Variants in BANP observed in about 807,000 individuals in gnomAD.
BANP encodes the protein BTG3 associated nuclear protein.
BANP carries 11 observed loss-of-function variants against 68.1 expected under a neutral mutation model. The observed-to-expected ratio is 0.16, with a 90% CI of 0.10 to 0.27. BANP has a LOEUF of 0.27. Ranked by LOEUF, BANP falls within the 10% of genes least tolerant of loss-of-function variation. The probability of loss-of-function intolerance (pLI) is 1.00; values close to 1 mark genes in which losing one functional copy is unlikely to be tolerated. For synonymous variants in BANP, 329 were observed against 303.2 expected, an observed-to-expected ratio of 1.09 and a Z score of -0.88; for missense variants, 504 against 722.7, an observed-to-expected ratio of 0.70 and a Z score of 3.47.
chr16:88,042,317 G>T (rs1293967154), intron 11 of BANP, among the ~76,000 whole-genome samples: 1 of 152,228 alleles, frequency 6.6e-6, no homozygotes, highest in East Asian at 1.9e-4. Flanking sequence ...GTGCGCAGGT[G>T]TGGGGACGCA....
intron 7 of BANP, among the ~76,000 whole-genome samples, chr16:88,024,209 G>T (rs1485894199): frequency 1.3e-5 from 2 of 152,180 alleles, no homozygotes; most frequent in African/African-American, 4.8e-5. Flanking sequence ...ACCTCTCATG[G>T]GTTCTCAGGA....
chr16:87,971,232 C>CATA (rs2061057570), intron 1 of BANP, among the ~76,000 whole-genome samples: 2 of 136,592 alleles, frequency 1.5e-5, no homozygotes, highest in South Asian at 4.3e-4. Context: ...CAAGCAGTTA[C>CATA]ATTGTGTCTG....
chr16:87,963,045 A>G (rs970447769), intron 1 of BANP, among the ~76,000 whole-genome samples: 2 of 152,170 alleles, frequency 1.3e-5, no homozygotes, highest in African/African-American at 4.8e-5. Context: ...TTAGCTTTTT[A>G]CCAGGTACCA....
At chr16:87,982,226 C>T (rs4843767) in intron 3 of BANP, among the ~76,000 whole-genome samples, 100,543 of 152,028 alleles carry the variant, frequency 0.66, 33,908 homozygotes, top group African/African-American at 0.76. Flanking sequence ...AAAGTGGGCA[C>T]GGGAGTGGCC....
intron 6 of BANP, among the ~76,000 whole-genome samples, chr16:88,007,484 C>T (rs1326883726): frequency 6.6e-6 from 1 of 152,216 alleles, no homozygotes; most frequent in Non-Finnish European, 1.5e-5. Flanking sequence ...GCCGTCTTCC[C>T]CTGAGAGCCT....
rs913630074 is a variant in BANP at position 88,003,583 on chromosome 16, T to A, written c.363-712T>A. The A allele has an allele frequency of 2.2e-6, 1 of 455,356 alleles. No individual in the cohort carries two copies. The highest frequency in any genetic ancestry group is 4.4e-6 in the Non-Finnish European group (1 of 226,464). The allele number at this position is 455,356 out of a possible 1,614,324, so 28.2% of individuals were successfully genotyped here. A position where few individuals can be genotyped will look rare whatever the true frequency, so the allele number is the denominator to read the frequency against. On this transcript the variant is annotated intron_variant, in intron 4 of 13. Coordinates refer to ENST00000682872, the MANE Select transcript of BANP (RefSeq NM_001386991.1). This position sits in a 1 kb window ranked among gnomAD's most constrained non-coding sequence, Gnocchi z 6.1. Reference sequence around the variant, plus strand: ...CTGTGGGTGAGTCTGTACTTTGAGATGAAGCTGTGTTAGCTGCCGCCTGTC... The same window carrying A: ...CTGTGGGTGAGTCTGTACTTTGAGAAGAAGCTGTGTTAGCTGCCGCCTGTC...
intron 11 of BANP, among the ~76,000 whole-genome samples, chr16:88,058,908 T>C (rs2085893181): frequency 6.6e-6 from 1 of 152,170 alleles, no homozygotes; most frequent in Non-Finnish European, 1.5e-5. Context: ...GAAAAGCCCA[T>C]AAAGTGGCCC....
chr16:88,075,471 C>T (rs564813145), intron 13 of BANP, among the ~76,000 whole-genome samples: 1 of 152,250 alleles, frequency 6.6e-6, no homozygotes, highest in East Asian at 1.9e-4. Context: ...CTACTGCACT[C>T]CAACCTGGGC....
At chr16:87,985,483 G>C (rs373040744) in intron 4 of BANP, among the ~76,000 whole-genome samples, 1 of 152,124 alleles carries the variant, frequency 6.6e-6, no homozygotes, top group African/African-American at 2.4e-5. Context: ...AAAGCTGTTA[G>C]ACCCAATGCC....
chr16:87,975,087 G>T lies in BANP; in HGVS notation c.-29G>T, dbSNP rs199627706. On this transcript the variant is annotated 5_prime_UTR_variant, in exon 2 of 14. Transcript: ENST00000682872. ...GCCCCACTGTGAGTTGAACTCTTTC[G>T]TGTTGACCGGCCACTCTCCGTGCTC... 21 of 1,592,388 alleles carry T rather than the reference G, an allele frequency of 1.3e-5. No individual in the cohort carries two copies. Among genetic ancestry groups the T allele is most frequent in the Non-Finnish European group, 1.8e-5 (21 of 1,164,228 alleles).
At chr16:88,020,411 C>T (rs970351192) in intron 7 of BANP, among the ~76,000 whole-genome samples, 3 of 152,238 alleles carry the variant, frequency 2.0e-5, no homozygotes, top group African/African-American at 7.2e-5. Flanking sequence ...CAGCTTGAAA[C>T]CCGGGGGTTG....
At chr16:87,979,540 G>A (rs7193799) in intron 2 of BANP, among the ~76,000 whole-genome samples, 3 of 152,040 alleles carry the variant, frequency 2.0e-5, no homozygotes, top group Non-Finnish European at 2.9e-5. Context: ...TGGCAGTATG[G>A]GAAGGGCTGG....
chr16:87,987,486 G>A (rs2064737276), intron 4 of BANP, among the ~76,000 whole-genome samples: 1 of 152,090 alleles, frequency 6.6e-6, no homozygotes, highest in East Asian at 1.9e-4. Flanking sequence ...CACTTTGGAA[G>A]GCCAAGATGG....
intron 1 of BANP, among the ~76,000 whole-genome samples, chr16:87,962,538 G>T (rs1287601478): frequency 6.6e-6 from 1 of 152,176 alleles, no homozygotes; most frequent in Non-Finnish European, 1.5e-5. Context: ...TTAGAGCCTA[G>T]ACGCTTCTTA....
chr16:88,007,528 C>T (rs1294884506), intron 6 of BANP, among the ~76,000 whole-genome samples: 1 of 152,234 alleles, frequency 6.6e-6, no homozygotes, highest in Non-Finnish European at 1.5e-5. Flanking sequence ...CGTAAGTGAC[C>T]AGATGACTGT....
At chr16:88,011,458 CAG>C (rs2073102549) in intron 6 of BANP, among the ~76,000 whole-genome samples, 1 of 152,142 alleles carries the variant, frequency 6.6e-6, no homozygotes, top group African/African-American at 2.4e-5. Flanking sequence ...CTTTTTAACT[CAG>C]GGTTAAATTA....
intron 4 of BANP, among the ~76,000 whole-genome samples, chr16:87,985,583 A>G: frequency 6.6e-6 from 1 of 152,242 alleles, no homozygotes; most frequent in Non-Finnish European, 1.5e-5. Context: ...AAAAAAAAGA[A>G]AATGTAATTT....
intron 1 of BANP, among the ~76,000 whole-genome samples, chr16:87,959,505 C>G (rs746745311): frequency 2.6e-5 from 4 of 152,162 alleles, no homozygotes; most frequent in African/African-American, 7.2e-5. Context: ...AGGCTGCTTG[C>G]GAGGGAGGCG....
chr16:88,032,550 T>C (rs1439216667), intron 8 of BANP, among the ~76,000 whole-genome samples: 1 of 152,208 alleles, frequency 6.6e-6, no homozygotes, highest in Non-Finnish European at 1.5e-5. Flanking sequence ...TATAATTCTC[T>C]GCAACAAAAC....
Sources: gnomAD v4.1 joint callset for allele counts (sites outside exome capture counted in the v4.1 genomes callset) on GRCh38, gnomAD v4.1.1 for gene constraint, Gnocchi (gnomAD v3.1) non-coding constraint, MANE v1.5 for transcripts, NCBI Gene and HGNC (gene_info 2026-07-23, HGNC 2026-07-21) for gene names.